The following EYS variants were observed in gnomAD, a reference collection of about 807,000 sequenced individuals.
The protein encoded by EYS is protein eyes shut homolog.
A neutral mutation model predicts 282.1 loss-of-function variants in EYS; 250 were observed. That is an observed-to-expected ratio of 0.89 (90% CI 0.80 to 0.98). The LOEUF (loss-of-function observed/expected upper bound fraction) is 0.98. EYS is among the 50% of genes least tolerant of loss of function. The pLI, the probability that EYS is intolerant of heterozygous loss-of-function variation, is 0.00. For missense variants in EYS, 4,016 were observed against 3,709.0 expected, an observed-to-expected ratio of 1.08 and a Z score of -2.15; for synonymous variants, 1,355 against 1,282.9, an observed-to-expected ratio of 1.06 and a Z score of -1.20.
At chr6:64,187,130 G>T (rs1158608413) in intron 31 of EYS, among the ~76,000 whole-genome samples, 3 of 152,050 alleles carry the variant, frequency 2.0e-5, no homozygotes, top group African/African-American at 7.2e-5. Context: ...GCCACGCCTT[G>T]TTAGCTTCCT....
intron 5 of EYS, among the ~76,000 whole-genome samples, chr6:65,461,331 C>T (rs1168576128): frequency 6.6e-6 from 1 of 152,120 alleles, no homozygotes; most frequent in Admixed American, 6.6e-5. Context: ...TCTAGGAAAA[C>T]TTCACTCAAC....
chr6:64,393,656 C>G (rs562556893), intron 28 of EYS, among the ~76,000 whole-genome samples: 1 of 151,722 alleles, frequency 6.6e-6, no homozygotes, highest in South Asian at 2.1e-4. Context: ...CTATCTATGA[C>G]AAACCCACAG....
intron 31 of EYS, among the ~76,000 whole-genome samples, chr6:64,143,008 A>T (rs1169784857): frequency 6.6e-6 from 1 of 152,174 alleles, no homozygotes; most frequent in Non-Finnish European, 1.5e-5. Flanking sequence ...AAAAGTGAGA[A>T]AGCCATGAAA....
intron 12 of EYS, among the ~76,000 whole-genome samples, chr6:65,235,899 T>C (rs1179368923): frequency 6.6e-6 from 1 of 152,122 alleles, no homozygotes; most frequent in Non-Finnish European, 1.5e-5. Flanking sequence ...AGGATCTTAA[T>C]ATTACCAGAA....
In EYS at chr6:65,620,829, T is replaced by G. The variant is rs191992087; in HGVS notation, c.-333+18949A>C. Among the ~76,000 whole-genome samples, 474 of 152,242 alleles carry G rather than the reference T, an allele frequency of 3.1e-3. 13 individuals carry two copies. The highest frequency in any genetic ancestry group is 0.027 in the Admixed American group (412 of 15,282). The stretch of plus-strand genomic sequence containing the variant: ...TTATGTACCCAGTAGTCATTCAGGA[T>G]CAGGTTGTTCAGTTTCCATGTAGTT... On this transcript the variant is annotated intron_variant, in intron 2 of 42. Transcript: ENST00000503581.
chr6:65,447,352 A>G (rs1263862017), intron 5 of EYS, among the ~76,000 whole-genome samples: 6 of 141,494 alleles, frequency 4.2e-5, no homozygotes, highest in Non-Finnish European at 7.9e-5. Context: ...ATATAAATAT[A>G]TGTATATAGT....
intron 8 of EYS, among the ~76,000 whole-genome samples, chr6:65,367,242 AG>A (rs1405183581): frequency 6.6e-6 from 1 of 151,704 alleles, no homozygotes; most frequent in East Asian, 1.9e-4. Flanking sequence ...ATGTACAGAT[AG>A]AATGGCTCTA....
intron 37 of EYS, among the ~76,000 whole-genome samples, chr6:63,799,284 G>C (rs1770726667): frequency 6.6e-6 from 1 of 151,706 alleles, no homozygotes; most frequent in Non-Finnish European, 1.5e-5. Context: ...AAAGTGCTGG[G>C]ATTACAGACA....
At chr6:64,643,783 T>C (rs947986669) in intron 22 of EYS, among the ~76,000 whole-genome samples, 1 of 152,260 alleles carries the variant, frequency 6.6e-6, no homozygotes, top group Non-Finnish European at 1.5e-5. Context: ...TTTCTTTGCC[T>C]GCTGCCATCC....
At chr6:64,938,026 A>T (rs1768966706) in intron 15 of EYS, among the ~76,000 whole-genome samples, 1 of 151,662 alleles carries the variant, frequency 6.6e-6, no homozygotes, top group Admixed American at 6.6e-5. Flanking sequence ...TCACCAAAAA[A>T]CATATATTGC....
At chr6:64,092,290 T>C (rs1772394950) in intron 31 of EYS, among the ~76,000 whole-genome samples, 1 of 152,224 alleles carries the variant, frequency 6.6e-6, no homozygotes, top group Non-Finnish European at 1.5e-5. Flanking sequence ...GTGGGTCAAA[T>C]GGTAATTCTA....
intron 26 of EYS, among the ~76,000 whole-genome samples, chr6:64,569,300 T>C (rs1250585877): frequency 6.6e-6 from 1 of 151,650 alleles, no homozygotes; most frequent in Admixed American, 6.6e-5. Flanking sequence ...AGAACATAAA[T>C]GACCTAATGG....
At chr6:65,580,444 T>A (rs1485079422) in intron 2 of EYS, among the ~76,000 whole-genome samples, 1 of 152,120 alleles carries the variant, frequency 6.6e-6, no homozygotes, top group African/African-American at 2.4e-5. Context: ...GACAACAAAT[T>A]ACAAAAGTAA....
intron 30 of EYS, among the ~76,000 whole-genome samples, chr6:64,303,916 T>C (rs1480991799): frequency 6.7e-6 from 1 of 150,318 alleles, no homozygotes. Flanking sequence ...CTTGAGTTAA[T>C]AGCTTAAAGT....
At chr6:64,361,634 A>G (rs1772008750) in intron 29 of EYS, among the ~76,000 whole-genome samples, 1 of 151,760 alleles carries the variant, frequency 6.6e-6, no homozygotes. Flanking sequence ...AAATAAGAAG[A>G]TCTTCTTTTG....
chr6:64,305,300 A>T (rs1028089913), intron 30 of EYS, among the ~76,000 whole-genome samples: 2 of 152,290 alleles, frequency 1.3e-5, no homozygotes, highest in African/African-American at 2.4e-5. Context: ...ATGTTTATGA[A>T]TTGGAAAAAA....
At chr6:63,932,596 C>T (rs1194551403) in intron 35 of EYS, among the ~76,000 whole-genome samples, 1 of 152,178 alleles carries the variant, frequency 6.6e-6, no homozygotes. Flanking sequence ...CCCACTGCTG[C>T]TTTGCTTTCC....
At chr6:65,644,808 C>T (rs956009436) in intron 1 of EYS, among the ~76,000 whole-genome samples, 1 of 152,120 alleles carries the variant, frequency 6.6e-6, no homozygotes, top group Admixed American at 6.6e-5. Context: ...TTTGTATCCA[C>T]TGAAATAAGC....
chr6:64,766,097 T>G (rs1275509772), intron 22 of EYS, among the ~76,000 whole-genome samples: 2 of 151,504 alleles, frequency 1.3e-5, no homozygotes, highest in African/African-American at 4.8e-5. Flanking sequence ...CAGCTAACTC[T>G]TTGTATTTTT....
Sources: gnomAD v4.1 joint callset for allele counts (sites outside exome capture counted in the v4.1 genomes callset) on GRCh38, gnomAD v4.1.1 for gene constraint, MANE v1.5 for transcripts, NCBI Gene and HGNC (gene_info 2026-07-23, HGNC 2026-07-21) for gene names.